Variants in NFE2L1 observed in about 807,000 individuals in gnomAD.
NFE2L1 encodes endoplasmic reticulum membrane sensor NFE2L1.
A neutral mutation model predicts 61.6 loss-of-function variants in NFE2L1; 18 were observed. The observed-to-expected ratio is 0.29, with a 90% CI of 0.20 to 0.43. The LOEUF (loss-of-function observed/expected upper bound fraction) is 0.43, where lower values mean the gene tolerates loss of function less well. Among genes scored for constraint, NFE2L1 ranks in the 20% least tolerant of loss-of-function variants. The pLI is 1.00. For missense variants in NFE2L1, 827 were observed against 973.5 expected, an observed-to-expected ratio of 0.85 and a Z score of 2.00; for synonymous variants, 419 against 402.7, an observed-to-expected ratio of 1.04 and a Z score of -0.48.
In NFE2L1 at chr17:48,060,044, C is replaced by CCG. The variant is rs1555575582; in HGVS notation, c.*404_*405insGC. On this transcript the variant is annotated 3_prime_UTR_variant, in exon 6 of 6. Coordinates refer to ENST00000362042, the MANE Select transcript of NFE2L1 (RefSeq NM_003204.3). ...AAGGAAGGAAGGAAGGAACCCCCCC[C>CCG]CCCCCGAAAAAAAAATCAAAGCGGG... The CCG allele has an allele frequency of 3.3e-4, 50 of 149,392 alleles. 5 individuals are homozygous for CCG. Among genetic ancestry groups the CCG allele is most frequent in the African/African-American group, 1.3e-3 (47 of 37,548 alleles). The allele number at this position is 149,392 out of a possible 1,614,324, so 9.3% of individuals were successfully genotyped here. A position where few individuals can be genotyped will look rare whatever the true frequency, so the allele number is the denominator to read the frequency against.
intron 1 of NFE2L1, among the ~76,000 whole-genome samples, chr17:48,049,689 T>C (rs1266785173): frequency 6.6e-6 from 1 of 152,192 alleles, no homozygotes; most frequent in East Asian, 1.9e-4. Context: ...CCTTTTCCTT[T>C]TTTTTCTTTT....
At position 48,059,800 on chromosome 17, in the gene NFE2L1, G is replaced by A; in HGVS notation, c.*159G>A. On this transcript the variant is annotated 3_prime_UTR_variant, in exon 6 of 6. Coordinates refer to ENST00000362042, the MANE Select transcript of NFE2L1 (RefSeq NM_003204.3). This position sits in a 1 kb window ranked among gnomAD's most constrained non-coding sequence, Gnocchi z 6.1. ...GCGGGTCAGTGTACAGGAAGAGGCA[G>A]GCACTGGCTGGCTCAGCTCCACTCG... The A allele has an allele frequency of 1.8e-6, 2 of 1,110,542 alleles. No individual in the cohort carries two copies. The highest frequency in any genetic ancestry group is 2.6e-5 in the East Asian group (1 of 38,136). The allele number at this position is 1,110,542 out of a possible 1,614,324, so 68.8% of individuals were successfully genotyped here.
rs776276541 is a variant in NFE2L1, at chr17:48,057,544, A to C, written c.972+42A>C. Reference sequence around the variant, plus strand: ...CGGGCACAAACCTATTGGATTTTGCACAGATTGTCTTAGCACTCAGTTGCT... The same window carrying C: ...CGGGCACAAACCTATTGGATTTTGCCCAGATTGTCTTAGCACTCAGTTGCT... On this transcript the variant is annotated intron_variant, in intron 5 of 5. Transcript: ENST00000362042. 7 of 1,587,682 alleles carry C rather than the reference A, an allele frequency of 4.4e-6. No individual in the cohort carries two copies. The South Asian group carries it at 8.1e-5, about 18-fold the overall frequency.
At chr17:48,056,908 G>A (rs2037416476) in intron 3 of NFE2L1, 124 bp from the exon 4 acceptor site, 10 of 964,818 alleles carry the variant, frequency 1.0e-5, no homozygotes, top group Admixed American at 7.5e-5. Context: ...TTTGGGACTC[G>A]GGGCCAGCCA....
rs781393775 is a variant in NFE2L1 at position 48,051,640 on chromosome 17, T to C, written c.510+12T>C. Reference sequence around the variant, plus strand: ...ACTTAACCAAAGAGGTTAGTGGACCTGTGGTGGGTGTGTGGGGCCTGGGGC... The same window carrying C: ...ACTTAACCAAAGAGGTTAGTGGACCCGTGGTGGGTGTGTGGGGCCTGGGGC... On this transcript the variant is annotated intron_variant, in intron 2 of 5. Transcript: ENST00000362042. The C allele has an allele frequency of 2.3e-5, 37 of 1,599,998 alleles. No individual in the cohort carries two copies. The highest frequency in any genetic ancestry group is 3.6e-4 in the Middle Eastern group (2 of 5,526).
Position 48,059,056 on chromosome 17 carries a change from C to T in NFE2L1, c.1734C>T (p.Asn578=). The change falls in exon 6 of 6, where the codon AAC becomes AAT. Residue 578 remains asparagine (N), a synonymous_variant. Coordinates refer to ENST00000362042, the MANE Select transcript of NFE2L1 (RefSeq NM_003204.3). This position sits in a 1 kb window ranked among gnomAD's most constrained non-coding sequence, Gnocchi z 6.1. ...ACGTGGGCCACAACCACACATACAA[C>T]ATGGCACCCAGTGCCCTGGACTCAG... ...LEHVGHNHTY[N]MAPSALDSAD... The T allele has an allele frequency of 6.2e-7, 1 of 1,614,120 alleles. No individual in the cohort carries two copies.
chr17:48,057,603 T>C, intron 5 of NFE2L1, 101 bp downstream of exon 5: 3 of 1,423,916 alleles, frequency 2.1e-6, no homozygotes, highest in Non-Finnish European at 2.8e-6. Flanking sequence ...TGTAATACTT[T>C]CCCTGAATCA....
chr17:48,056,070 T>G, intron 2 of NFE2L1: 6 of 314,302 alleles, frequency 1.9e-5, no homozygotes, highest in Non-Finnish European at 3.0e-5. Context: ...TTCTTTCTTA[T>G]GTAGGGGGGA....
At chr17:48,054,658 T>TGGG (rs1051356476) in intron 2 of NFE2L1, 3 of 240,836 alleles carry the variant, frequency 1.2e-5, no homozygotes, top group Non-Finnish European at 1.5e-5. Flanking sequence ...TTGGGGGGCG[T>TGGG]GGGGGGGAGG....
Position 48,058,901 on chromosome 17 carries a change from A to G in NFE2L1, c.1579A>G (p.Ser527Gly), listed in dbSNP as rs1344643666. 1 of 1,613,748 alleles carries G rather than the reference A, an allele frequency of 6.2e-7. No homozygotes were observed. Among genetic ancestry groups the G allele is most frequent in the East Asian group, 2.2e-5 (1 of 44,880 alleles). Residue 527 changes from serine (S) to glycine (G), a missense_variant, in exon 6 of 6, where the codon AGC becomes GGC. Transcript: ENST00000362042. ...TTCTGAGGAAGGTGCGGTTGGCTAC[A>G]GCTCTGACTCTGAGACCCTGGATCT... ...SFSEEGAVGY[S>G]SDSETLDLEE...
chr17:48,056,607 G>C lies in NFE2L1; in HGVS notation c.723+9G>C. ...AGAGCTTCCCTGCACAGGTACCATC[G>C]CCCCTGCTCACTGGGCTCTCTTCTT... On this transcript the variant is annotated intron_variant, in intron 3 of 5. Transcript: ENST00000362042. 1 of 1,611,940 alleles carries C rather than the reference G, an allele frequency of 6.2e-7. No individual in the cohort carries two copies. The highest frequency in any genetic ancestry group is 8.5e-7 in the Non-Finnish European group (1 of 1,179,596).
chr17:48,050,836 C>A lies in NFE2L1; in HGVS notation c.-283C>A. The stretch of plus-strand genomic sequence containing the variant: ...GTGGAGAAAGTAAGTCACGTGGGCC[C>A]TTGAGGACCTGGACTGGGTTAGGAA... On this transcript the variant is annotated 5_prime_UTR_variant, in exon 2 of 6. Coordinates refer to ENST00000362042, the MANE Select transcript of NFE2L1 (RefSeq NM_003204.3). 3 of 594,354 alleles carry A rather than the reference C, an allele frequency of 5.0e-6. No individual in the cohort carries two copies. The highest frequency in any genetic ancestry group is 9.0e-6 in the Non-Finnish European group (3 of 334,320). 36.8% of individuals were successfully genotyped at this position (594,354 alleles called of 1,614,324 possible).
chr17:48,053,475 G>C (rs887252411), intron 2 of NFE2L1, among the ~76,000 whole-genome samples: 1 of 152,204 alleles, frequency 6.6e-6, no homozygotes, highest in Non-Finnish European at 1.5e-5. Flanking sequence ...TGCTGGAACC[G>C]GTATTATCCC....
chr17:48,050,285 C>G (rs1272018575), intron 1 of NFE2L1, among the ~76,000 whole-genome samples: 1 of 152,146 alleles, frequency 6.6e-6, no homozygotes, highest in South Asian at 2.1e-4. Context: ...TTGAGACCAG[C>G]CTGGCCAACA....
chr17:48,059,708 GGAC>G lies in NFE2L1; in HGVS notation c.*68_*70del. The G allele has an allele frequency of 3.3e-6, 5 of 1,503,474 alleles. No individual in the cohort carries two copies. The highest frequency in any genetic ancestry group is 4.4e-6 in the Non-Finnish European group (5 of 1,133,754). 93.1% of individuals were successfully genotyped at this position (1,503,474 alleles called of 1,614,324 possible). On this transcript the variant is annotated 3_prime_UTR_variant, in exon 6 of 6. Coordinates refer to ENST00000362042, the MANE Select transcript of NFE2L1 (RefSeq NM_003204.3). The surrounding 1 kb of genome is among the most constrained non-coding windows in gnomAD (Gnocchi z 6.1). Reference sequence around the variant, plus strand: ...CTGGAGAAGGGCTGGACCTGGACCTGGACCTGGACCTACAGCGGGGACTTAAAT... The same window carrying G: ...CTGGAGAAGGGCTGGACCTGGACCTGCTGGACCTACAGCGGGGACTTAAAT...
chr17:48,051,700 G>C, intron 2 of NFE2L1, 72 bp downstream of exon 2: 1 of 1,533,920 alleles, frequency 6.5e-7, no homozygotes, highest in Admixed American at 1.9e-5. Context: ...ATTGTGGTCA[G>C]AACACTGAGC....
chr17:48,058,831 C>G lies in NFE2L1; in HGVS notation c.1509C>G (p.Ser503=), dbSNP rs909122875. 6.2e-7 allele frequency: 1 copy of G among 1,613,938 alleles called. No individual in the cohort carries two copies. The highest frequency in any genetic ancestry group is 2.2e-5 in the East Asian group (1 of 44,882). ...GCAGTTCTTCCTCTTCTTCCTCCTC[C>G]TCTTCCTCTTCTTCCTCTGCTTCTT... ...SEGSSSSSSS[S]SSSSSSASSS... The change falls in exon 6 of 6, where the codon TCC becomes TCG. Residue 503 remains serine, a synonymous_variant. Transcript: ENST00000362042.
At chr17:48,055,693 A>G (rs939767716) in intron 2 of NFE2L1, among the ~76,000 whole-genome samples, 8 of 152,134 alleles carry the variant, frequency 5.3e-5, no homozygotes, top group African/African-American at 1.9e-4. Context: ...TGGAGGCAGC[A>G]GCTAGGATCA....
In NFE2L1 at chr17:48,058,849, T is replaced by C. The variant is rs2037473978; in HGVS notation, c.1527T>C (p.Ser509=). 6.2e-7 allele frequency: 1 copy of C among 1,613,488 alleles called. No homozygotes were observed. Residue 509 remains serine, a synonymous_variant, in exon 6 of 6, where the codon TCT becomes TCC. Transcript: ENST00000362042. ...CCTCCTCCTCTTCCTCTTCTTCCTC[T>C]GCTTCTTCCTCTGCCTCTTCCTCCT... ...SSSSSSSSSS[S]ASSSASSSFS...
Sources: allele counts gnomAD v4.1 joint callset (sites outside exome capture counted in the v4.1 genomes callset), GRCh38; gene constraint gnomAD v4.1.1; non-coding constraint Gnocchi (gnomAD v3.1); transcripts MANE v1.5; gene names NCBI Gene and HGNC (gene_info 2026-07-23, HGNC 2026-07-21).